The following PLS1 variants were observed in gnomAD, a reference collection of about 807,000 sequenced individuals.
PLS1 encodes plastin 1.
Under a neutral mutation model 73.7 loss-of-function variants are expected in PLS1, and 32 were observed. The ratio of observed to expected loss-of-function variants is 0.43; its 90% confidence interval spans 0.33 to 0.58. The LOEUF is 0.58. Ranked by LOEUF, PLS1 falls within the 20% of genes least tolerant of loss-of-function variation. The pLI, the probability that PLS1 is intolerant of heterozygous loss-of-function variation, is 0.04. For synonymous variants in PLS1, 217 were observed against 261.3 expected (o/e 0.83, Z 1.63); for missense variants, 633 against 740.5 (o/e 0.85, Z 1.68).
At chr3:142,692,974 G>A (rs1293404816) in intron 10 of PLS1, among the ~76,000 whole-genome samples, 4 of 152,012 alleles carry the variant, frequency 2.6e-5, no homozygotes, top group African/African-American at 9.7e-5. Context: ...ATTTGTACCT[G>A]TTTAATAATT....
chr3:142,650,690 C>T (rs2037068162), intron 1 of PLS1, among the ~76,000 whole-genome samples: 1 of 152,100 alleles, frequency 6.6e-6, no homozygotes, highest in African/African-American at 2.4e-5. Flanking sequence ...AAAGTTAGGA[C>T]TGTTGCCAGA....
Position 142,713,628 on chromosome 3 carries a change from CAG to C in PLS1, c.*1624_*1625del, listed in dbSNP as rs1377361025. The C allele has an allele frequency of 1.3e-5, 2 of 152,236 alleles. No homozygotes were observed. Among genetic ancestry groups the C allele is most frequent in the East Asian group, 1.9e-4 (1 of 5,174 alleles). The allele number at this position is 152,236 out of a possible 1,614,324, so 9.4% of individuals were successfully genotyped here. ...GCACTTTAGGGTGTTCTTTTTCTCACAGAGTATATTTAATAAAAATGCTGTGT... is the reference window on the plus strand; with the variant it reads ...GCACTTTAGGGTGTTCTTTTTCTCACAGTATATTTAATAAAAATGCTGTGT... On this transcript the variant is annotated 3_prime_UTR_variant, in exon 16 of 16. Coordinates refer to ENST00000457734, the MANE Select transcript of PLS1 (RefSeq NM_001145319.2).
At chr3:142,683,164 T>C (rs2037890396) in intron 6 of PLS1, among the ~76,000 whole-genome samples, 1 of 152,224 alleles carries the variant, frequency 6.6e-6, no homozygotes, top group African/African-American at 2.4e-5. Context: ...AAATTGTCGC[T>C]ATTACTGCTA....
intron 14 of PLS1, among the ~76,000 whole-genome samples, chr3:142,708,288 C>A (rs1352820617): frequency 2.6e-5 from 4 of 152,022 alleles, no homozygotes; most frequent in Non-Finnish European, 5.9e-5. Context: ...GCTCTGTCAC[C>A]CAGCCTGGAG....
intron 9 of PLS1, among the ~76,000 whole-genome samples, chr3:142,686,715 A>G (rs1252081139): frequency 6.6e-6 from 1 of 152,180 alleles, no homozygotes; most frequent in Non-Finnish European, 1.5e-5. Flanking sequence ...CCCTCCATTA[A>G]AGTTTGGTGC....
chr3:142,650,701 A>G (rs761895268), intron 1 of PLS1, among the ~76,000 whole-genome samples: 26 of 152,202 alleles, frequency 1.7e-4, no homozygotes, highest in Non-Finnish European at 3.2e-4. Flanking sequence ...TGTTGCCAGA[A>G]GAAGGGAAAT....
intron 1 of PLS1, among the ~76,000 whole-genome samples, chr3:142,628,855 T>TGCTA (rs1388051526): frequency 2.0e-5 from 3 of 152,228 alleles, no homozygotes; most frequent in Non-Finnish European, 4.4e-5. Flanking sequence ...AGCCAATTAA[T>TGCTA]GCTATTTTAA....
At position 142,689,148 on chromosome 3, in the gene PLS1, C is replaced by G. The variant is rs145375736; in HGVS notation, c.982-470C>G. ...TTTTTTCCTTTTAACTTAAAAGGCA[C>G]GGGGGCTGGGCTTAGTGGCTCACGG... On this transcript the variant is annotated intron_variant, in intron 9 of 15. Transcript: ENST00000457734. Among the ~76,000 whole-genome samples, 4 of 152,148 alleles carry G rather than the reference C, an allele frequency of 2.6e-5. No individual in the cohort carries two copies. The East Asian group carries it at 5.8e-4, about 22-fold the overall frequency.
intron 4 of PLS1, 152 bp from the exon 5 acceptor site, chr3:142,676,005 T>G: frequency 3.1e-6 from 2 of 646,710 alleles, no homozygotes; most frequent in Non-Finnish European, 2.5e-6. Context: ...CTTGAACCCT[T>G]TTGTGTTTTA....
rs185129320 is a variant in PLS1 at position 142,699,866 on chromosome 3, T to A, written c.1371+1799T>A. ...GTATAATTATAAAGAGTTACTCGTA[T>A]GTTTCAGCATTTCTAGTCATTGGAC... On this transcript the variant is annotated intron_variant, in intron 12 of 15. Coordinates refer to ENST00000457734, the MANE Select transcript of PLS1 (RefSeq NM_001145319.2). 2.3e-3 allele frequency among the ~76,000 whole-genome samples: 343 copies of A among 152,316 alleles called. 1 individual carries two copies. The highest frequency in any genetic ancestry group is 3.8e-3 in the Non-Finnish European group (256 of 68,018).
chr3:142,684,517 T>A (rs1002803515), intron 8 of PLS1, 122 bp downstream of exon 8: 1 of 771,044 alleles, frequency 1.3e-6, no homozygotes, highest in Middle Eastern at 3.8e-4. Context: ...AAATGAAAAT[T>A]TGCATTACTG....
At position 142,678,118 on chromosome 3, in the gene PLS1, G is replaced by A; in HGVS notation, c.579+5G>A. 1 of 1,435,124 alleles carries A rather than the reference G, an allele frequency of 7.0e-7. No homozygotes were observed. Among genetic ancestry groups the A allele is most frequent in the South Asian group, 1.3e-5 (1 of 76,574 alleles). 88.9% of individuals were successfully genotyped at this position (1,435,124 alleles called of 1,614,324 possible). ...CTCACGCCATTCACTATTTCTGTAA[G>A]TATTTGCCCTTTGCTTATTATCATG... On this transcript the variant is annotated splice_donor_5th_base_variant and intron_variant, in intron 6 of 15. Transcript: ENST00000457734.
intron 4 of PLS1, among the ~76,000 whole-genome samples, chr3:142,672,838 A>G (rs2037635006): frequency 6.6e-6 from 1 of 152,212 alleles, no homozygotes; most frequent in Non-Finnish European, 1.5e-5. Flanking sequence ...GTGTATTCAT[A>G]GTTGTGCAAT....
intron 3 of PLS1, among the ~76,000 whole-genome samples, chr3:142,670,662 C>T (rs1382430051): frequency 6.6e-6 from 1 of 152,126 alleles, no homozygotes; most frequent in African/African-American, 2.4e-5. Flanking sequence ...AGGAAAATAT[C>T]TTCATTAAGG....
At chr3:142,706,903 G>T (rs923652569) in intron 14 of PLS1, among the ~76,000 whole-genome samples, 1 of 152,118 alleles carries the variant, frequency 6.6e-6, no homozygotes, top group Non-Finnish European at 1.5e-5. Flanking sequence ...CCTGGAAAAG[G>T]TGATGAGTTC....
Position 142,602,121 on chromosome 3 carries a change from TC to T in PLS1, c.-37+5613del, listed in dbSNP as rs1325561707. Among the ~76,000 whole-genome samples the T allele has an allele frequency of 2.0e-5, 3 of 148,784 alleles. No homozygotes were observed. In the East Asian group the frequency reaches 5.8e-4, roughly 29 times the overall value. On this transcript the variant is annotated intron_variant, in intron 1 of 15. Transcript: ENST00000457734. ...AAATCGTTCCGGTTTTTTTTTTTTT[TC>T]ATTCCACTTAGTCTTTATCTCCTTT...
intron 1 of PLS1, among the ~76,000 whole-genome samples, chr3:142,637,285 G>A (rs1362515267): frequency 6.6e-6 from 1 of 152,166 alleles, no homozygotes; most frequent in Non-Finnish European, 1.5e-5. Flanking sequence ...GAAGAAAAGA[G>A]TATGTACACA....
rs1239699295 is a variant in PLS1 at position 142,712,858 on chromosome 3, C to T, written c.*851C>T. On this transcript the variant is annotated 3_prime_UTR_variant, in exon 16 of 16. Transcript: ENST00000457734. ...CTTTTCAGTCTGTGGATATCTGATA[C>T]ATTAAGATTTCTTTTTATAAGTATT... is the stretch of plus-strand genomic sequence containing the variant. 1 of 152,534 alleles carries T rather than the reference C, an allele frequency of 6.6e-6. No homozygotes were observed. The highest frequency in any genetic ancestry group is 1.5e-5 in the Non-Finnish European group (1 of 67,968). The allele number at this position is 152,534 out of a possible 1,614,324, so 9.4% of individuals were successfully genotyped here.
chr3:142,678,238 T>C (rs2037764755), intron 6 of PLS1, 125 bp downstream of exon 6: 2 of 286,094 alleles, frequency 7.0e-6, no homozygotes, highest in Non-Finnish European at 1.3e-5. Context: ...CTATAAAAAC[T>C]TTTTTTTTTG....
Sources: allele counts gnomAD v4.1 joint callset (sites outside exome capture counted in the v4.1 genomes callset), GRCh38; gene constraint gnomAD v4.1.1; transcripts MANE v1.5; gene names NCBI Gene and HGNC (gene_info 2026-07-23, HGNC 2026-07-21).